Variants in ATP8B4 observed in about 807,000 individuals in gnomAD.
ATP8B4 encodes ATPase phospholipid transporting 8B4 (putative).
A neutral mutation model predicts 145.6 loss-of-function variants in ATP8B4; 133 were observed. That is an observed-to-expected ratio of 0.91 (90% CI 0.79 to 1.05). The LOEUF (loss-of-function observed/expected upper bound fraction) is 1.05, where lower values mean the gene tolerates loss of function less well. Ranked by LOEUF, ATP8B4 falls within the 50% of genes least tolerant of loss-of-function variation. The pLI is 0.00. For synonymous variants in ATP8B4, 507 were observed against 492.9 expected, an observed-to-expected ratio of 1.03 and a Z score of -0.38; for missense variants, 1,458 against 1,425.2, an observed-to-expected ratio of 1.02 and a Z score of -0.37.
intron 13 of ATP8B4, 108 bp downstream of exon 13, chr15:49,972,471 TTAA>T (rs1382486948): frequency 2.9e-6 from 3 of 1,018,844 alleles, no homozygotes; most frequent in Non-Finnish European, 4.2e-6. Flanking sequence ...GGTGCCCATA[TTAA>T]TAAGAAAGCC....
At chr15:49,997,254 A>C (rs893446553) in intron 8 of ATP8B4, among the ~76,000 whole-genome samples, 1 of 152,180 alleles carries the variant, frequency 6.6e-6, no homozygotes, top group South Asian at 2.1e-4. Flanking sequence ...CAAGAAACCC[A>C]TAAGTCTAAA....
chr15:50,065,279 T>G (rs994266454), intron 3 of ATP8B4, among the ~76,000 whole-genome samples: 1 of 152,202 alleles, frequency 6.6e-6, no homozygotes, highest in Non-Finnish European at 1.5e-5. Context: ...AATGTGACAG[T>G]AATCTGGTAC....
chr15:49,866,263 C>A, intron 26 of ATP8B4, 83 bp downstream of exon 26: 1 of 1,505,800 alleles, frequency 6.6e-7, no homozygotes, highest in East Asian at 2.3e-5. Flanking sequence ...TCATCCCCAG[C>A]TCTACCTAAC....
Position 50,046,446 on chromosome 15 carries a change from C to A in ATP8B4, c.201+905G>T, listed in dbSNP as rs2051728530. ...AAAAACAGAGAAAGAGAAGCCACAT[C>A]CTGATGAAATTGTGCCCATGAATCC... On this transcript the variant is annotated intron_variant, in intron 4 of 27. Transcript: ENST00000284509. Among the ~76,000 whole-genome samples the A allele has an allele frequency of 2.0e-5, 3 of 152,162 alleles. No individual in the cohort carries two copies. In the South Asian group the frequency reaches 6.2e-4, roughly 32 times the overall value.
At chr15:49,882,426 T>C (rs1224691640) in intron 23 of ATP8B4, among the ~76,000 whole-genome samples, 1 of 152,194 alleles carries the variant, frequency 6.6e-6, no homozygotes, top group African/African-American at 2.4e-5. Context: ...TGCAGTGGGA[T>C]ACATATAAAA....
intron 7 of ATP8B4, chr15:50,009,628 G>A: frequency 2.2e-6 from 1 of 453,742 alleles, no homozygotes; most frequent in Non-Finnish European, 4.4e-6. Flanking sequence ...CACAGAGTAT[G>A]TTCTAACAGA....
intron 6 of ATP8B4, among the ~76,000 whole-genome samples, chr15:50,015,230 G>C (rs1240785703): frequency 6.6e-6 from 1 of 152,224 alleles, no homozygotes; most frequent in East Asian, 1.9e-4. Flanking sequence ...AACTACTGTG[G>C]TTGACAATAG....
At chr15:49,968,925 T>C (rs1393195882) in intron 13 of ATP8B4, among the ~76,000 whole-genome samples, 6 of 152,144 alleles carry the variant, frequency 3.9e-5, no homozygotes, top group Non-Finnish European at 8.8e-5. Context: ...ACAAACAGTC[T>C]CTCAGACCAC....
rs192726720 is a variant in ATP8B4, at chr15:50,017,776, A to C, written c.363-6859T>G. On this transcript the variant is annotated intron_variant, in intron 6 of 27. Transcript: ENST00000284509. ...TGGTTTGTTCTGGCCAGAAAACCTA[A>C]CATTCTGGAAATAGCATTTCTGATT... Among the ~76,000 whole-genome samples, 272 of 152,314 alleles carry C rather than the reference A, an allele frequency of 1.8e-3. 1 individual carries two copies. The highest frequency in any genetic ancestry group is 2.7e-3 in the Admixed American group (42 of 15,298).
intron 1 of ATP8B4, among the ~76,000 whole-genome samples, chr15:50,178,206 G>A (rs538745940): frequency 6.6e-5 from 10 of 152,318 alleles, no homozygotes; most frequent in African/African-American, 1.9e-4. Context: ...GGAAGGGACC[G>A]AAATCTTGAT....
Position 50,018,697 on chromosome 15 carries a change from C to A in ATP8B4, c.363-7780G>T, listed in dbSNP as rs2049294349. Among the ~76,000 whole-genome samples, 3 of 152,178 alleles carry A rather than the reference C, an allele frequency of 2.0e-5. No individual in the cohort carries two copies. The South Asian group carries it at 6.2e-4, about 32-fold the overall frequency. ...ATTAACTTTCATTTCTCAAGATATT[C>A]CAAGCTTTGTCCCCATAAATGGTGA... is the stretch of plus-strand genomic sequence containing the variant. On this transcript the variant is annotated intron_variant, in intron 6 of 27. Transcript: ENST00000284509.
chr15:49,987,250 A>T, intron 10 of ATP8B4, 141 bp downstream of exon 10: 1 of 1,029,656 alleles, frequency 9.7e-7, no homozygotes, highest in Non-Finnish European at 1.3e-6. Context: ...CTGGCATCCT[A>T]CAATCTTAAG....
At chr15:50,024,606 G>A (rs1411740032) in intron 6 of ATP8B4, among the ~76,000 whole-genome samples, 1 of 152,160 alleles carries the variant, frequency 6.6e-6, no homozygotes, top group African/African-American at 2.4e-5. Context: ...AGAAAGTGCC[G>A]CTGCAAGGGA....
Position 49,972,636 on chromosome 15 carries a change from G to A in ATP8B4, c.1189C>T (p.Leu397Phe). 6.2e-7 allele frequency: 1 copy of A among 1,613,978 alleles called. No individual in the cohort carries two copies. The highest frequency in any genetic ancestry group is 8.5e-7 in the Non-Finnish European group (1 of 1,179,978). The change falls in exon 13 of 28, where the codon CTC (leucine) becomes TTC (phenylalanine). Residue 397 changes from leucine (L) to phenylalanine (F), a missense_variant. Transcript: ENST00000284509. The stretch of plus-strand genomic sequence containing the variant: ...TTAAAGGTCATGATGTTTTGAGTGA[G>A]GGTACCCGTTTTGTCGGAGAAAATG... ...EYIFSDKTGT[L>F]TQNIMTFKRC...
intron 1 of ATP8B4, 43 bp from the exon 2 acceptor site, chr15:50,107,051 A>G (rs1290205321): frequency 7.7e-7 from 1 of 1,301,186 alleles, no homozygotes; most frequent in Non-Finnish European, 1.0e-6. Context: ...AAAAATGCAC[A>G]ATAACTATAA....
intron 2 of ATP8B4, among the ~76,000 whole-genome samples, chr15:50,102,378 C>A (rs1282797318): frequency 6.6e-6 from 1 of 151,756 alleles, no homozygotes; most frequent in East Asian, 1.9e-4. Flanking sequence ...GAGAGAAGAT[C>A]CAAATAAGCT....
chr15:49,879,569 G>T, intron 23 of ATP8B4, 110 bp from the exon 24 acceptor site: 3 of 873,052 alleles, frequency 3.4e-6, no homozygotes, highest in Non-Finnish European at 5.2e-6. Flanking sequence ...TTGACTTTTG[G>T]AATCAGACAA....
chr15:49,862,345 C>T lies in ATP8B4; in HGVS notation c.3197G>A (p.Cys1066Tyr), dbSNP rs1424392780. The T allele has an allele frequency of 4.3e-6, 7 of 1,613,600 alleles. No homozygotes were observed. The highest frequency in any genetic ancestry group is 1.3e-5 in the African/African-American group (1 of 74,898). Residue 1066 changes from cysteine (C) to tyrosine (Y), a missense_variant, in exon 27 of 28, where the codon TGC becomes TAC. Coordinates refer to ENST00000284509, the MANE Select transcript of ATP8B4 (RefSeq NM_024837.4). ...GNARHSLTQK[C>Y]IWLVILLTTV... ...TGTTAAGAGAATTACAAGCCAGATG[C>T]ACTTCTGGGTCAGGGAATGTCGTGC...
intron 9 of ATP8B4, among the ~76,000 whole-genome samples, chr15:49,990,496 T>A (rs1033336207): frequency 6.6e-6 from 1 of 152,068 alleles, no homozygotes; most frequent in Admixed American, 6.6e-5. Flanking sequence ...AGAGAAGACA[T>A]GAAAGCAGAT....
Sources: gnomAD v4.1 joint callset for allele counts (sites outside exome capture counted in the v4.1 genomes callset) on GRCh38, gnomAD v4.1.1 for gene constraint, MANE v1.5 for transcripts, NCBI Gene and HGNC (gene_info 2026-07-23, HGNC 2026-07-21) for gene names.